The following TASOR2 variants were observed in gnomAD, a reference collection of about 807,000 sequenced individuals.
The protein encoded by TASOR2 is transcription activation suppressor family member 2, also known as protein TASOR 2.
Under a neutral mutation model 199.5 loss-of-function variants are expected in TASOR2, and 84 were observed. That is an observed-to-expected ratio of 0.42 (90% CI 0.35 to 0.50). The LOEUF (loss-of-function observed/expected upper bound fraction) is 0.50. TASOR2 is among the 20% of genes least tolerant of loss of function. The pLI, the probability that TASOR2 is intolerant of heterozygous loss-of-function variation, is 0.02. For synonymous variants in TASOR2, 1,103 were observed against 1,046.6 expected, an observed-to-expected ratio of 1.05 and a Z score of -1.04; for missense variants, 2,796 against 2,835.9, an observed-to-expected ratio of 0.99 and a Z score of 0.32.
intron 1 of TASOR2, among the ~76,000 whole-genome samples, chr10:5,700,235 A>G (rs1019162105): frequency 6.6e-6 from 1 of 151,978 alleles, no homozygotes; most frequent in Non-Finnish European, 1.5e-5. Context: ...ATAAAGACCT[A>G]CAGTTGCATC....
At chr10:5,686,282 A>G (rs925422356) in intron 1 of TASOR2, among the ~76,000 whole-genome samples, 3 of 152,220 alleles carry the variant, frequency 2.0e-5, no homozygotes, top group Non-Finnish European at 4.4e-5. Context: ...GATTATAAGC[A>G]TCTCCTGTGG....
In TASOR2 at chr10:5,701,962, C is replaced by T. The variant is rs569325484; in HGVS notation, c.-287-10861C>T. ...GATGCCCTCTATTTCTTTCTCTTGCCTAATTGCTCTGCCCAGTACTTCCAG... is the reference window on the plus strand; with the variant it reads ...GATGCCCTCTATTTCTTTCTCTTGCTTAATTGCTCTGCCCAGTACTTCCAG... On this transcript the variant is annotated intron_variant, in intron 1 of 20. Coordinates refer to ENST00000328090, the Ensembl canonical transcript of TASOR2. This position sits in a 1 kb window ranked among gnomAD's most constrained non-coding sequence, Gnocchi z 4.9. Among the ~76,000 whole-genome samples the T allele has an allele frequency of 6.6e-6, 1 of 152,224 alleles. No individual in the cohort carries two copies. Among genetic ancestry groups the T allele is most frequent in the East Asian group, 1.9e-4 (1 of 5,190 alleles).
intron 1 of TASOR2, among the ~76,000 whole-genome samples, chr10:5,693,550 G>A (rs1300132874): frequency 7.9e-5 from 12 of 152,062 alleles, no homozygotes; most frequent in Non-Finnish European, 1.8e-4. Context: ...AATGCTATTT[G>A]TTTTCTCTAC....
Position 5,719,298 on chromosome 10 carries a change from C to T in TASOR2, c.-99-1246C>T, listed in dbSNP as rs1279262748. ...TTCAAAACAGCTTTTAAAATCATTG[C>T]ATATTTCATCATAATGGTAAACTTG... On this transcript the variant is annotated intron_variant, in intron 3 of 20. Coordinates refer to ENST00000328090, the Ensembl canonical transcript of TASOR2. This position sits in a 1 kb window ranked among gnomAD's most constrained non-coding sequence, Gnocchi z 4.1. Among the ~76,000 whole-genome samples the T allele has an allele frequency of 6.6e-6, 1 of 152,044 alleles. No homozygotes were observed. The highest frequency in any genetic ancestry group is 2.4e-5 in the African/African-American group (1 of 41,402).
At chr10:5,725,023 G>T (rs1478451429) in intron 8 of TASOR2, among the ~76,000 whole-genome samples, 2 of 152,142 alleles carry the variant, frequency 1.3e-5, no homozygotes, top group African/African-American at 4.8e-5. Context: ...TGTGATGAAT[G>T]AGGTAGGTGG....
In TASOR2 at chr10:5,720,913, G is replaced by A. The variant is rs61729850; in HGVS notation, c.89G>A (p.Arg30His). ...AAAGGGAAATTAATTGTTCAAGACC[G>A]TATGCTATGTGATATAGCTCTTTGG... The change falls in exon 6 of 21, where the codon CGT becomes CAT. Residue 30 changes from arginine (R) to histidine (H), a missense_variant. Around this residue, in one of 3 missense-constraint regions of TASOR2, gnomAD observed 847 missense variants for 887.4 expected, o/e 0.95. Transcript: ENST00000328090. The surrounding 1 kb of genome is among the most constrained non-coding windows in gnomAD (Gnocchi z 5.3). The A allele has an allele frequency of 1.3e-5, 21 of 1,613,018 alleles. No individual in the cohort carries two copies. Among genetic ancestry groups the A allele is most frequent in the East Asian group, 1.1e-4 (5 of 44,850 alleles).
At chr10:5,749,132 A>G (rs1282353503) in exon 15 of TASOR2, 4 of 1,614,012 alleles carry the variant, frequency 2.5e-6, no homozygotes, top group Non-Finnish European at 3.4e-6. Context: ...GCGGTAAAGA[A>G]AGAAGAGAAG....
At chr10:5,757,645 T>A (rs753409371) in exon 17 of TASOR2, 23 of 1,613,550 alleles carry the variant, frequency 1.4e-5, no homozygotes, top group Non-Finnish European at 1.9e-5. Context: ...TGATATCAGA[T>A]GACAAGATAC....
At chr10:5,713,007 A>G (rs527499054) in intron 2 of TASOR2, 89 bp downstream of exon 2, 9 of 636,206 alleles carry the variant, frequency 1.4e-5, no homozygotes, top group African/African-American at 1.3e-4. Context: ...AAGATTACCA[A>G]TTCATCAGTG....
exon 21 of TASOR2, chr10:5,763,057 GGAT>G (rs767009889): frequency 7.5e-6 from 12 of 1,608,936 alleles, no homozygotes; most frequent in Non-Finnish European, 1.0e-5. Context: ...GCCTGGATAT[GGAT>G]GATGCCAATA....
intron 1 of TASOR2, among the ~76,000 whole-genome samples, chr10:5,694,080 G>A (rs1222449890): frequency 6.6e-6 from 1 of 152,012 alleles, no homozygotes; most frequent in Non-Finnish European, 1.5e-5. Flanking sequence ...CTCAACCATG[G>A]GAGGAATGGG....
At position 5,740,772 on chromosome 10, in the gene TASOR2, G is replaced by A. The variant is rs891385829; in HGVS notation, c.2327+275G>A. On this transcript the variant is annotated intron_variant, in intron 13 of 20. Coordinates refer to ENST00000328090, the Ensembl canonical transcript of TASOR2. This position sits in a 1 kb window ranked among gnomAD's most constrained non-coding sequence, Gnocchi z 5.3. ...GCAATGCTCCCTCGTAAGCCCTTGT[G>A]GCTTTTGAATTTCAATTTTTAGATG... 2.0e-5 allele frequency among the ~76,000 whole-genome samples: 3 copies of A among 152,158 alleles called. No homozygotes were observed. The highest frequency in any genetic ancestry group is 7.2e-5 in the African/African-American group (3 of 41,436).
At chr10:5,713,224 A>G (rs1207543753) in intron 2 of TASOR2, among the ~76,000 whole-genome samples, 2 of 152,170 alleles carry the variant, frequency 1.3e-5, no homozygotes, top group African/African-American at 4.8e-5. Flanking sequence ...ATATTTTTCC[A>G]TTCTGGATTA....
intron 12 of TASOR2, among the ~76,000 whole-genome samples, chr10:5,739,261 C>T (rs1250429033): frequency 1.3e-5 from 2 of 152,090 alleles, no homozygotes; most frequent in East Asian, 1.9e-4. Context: ...TTTGTTTGTA[C>T]ATTTTTTGAG....
chr10:5,736,462 T>G (rs1214286877), intron 12 of TASOR2, among the ~76,000 whole-genome samples: 1 of 151,476 alleles, frequency 6.6e-6, no homozygotes, highest in Non-Finnish European at 1.5e-5. Flanking sequence ...CCATGTTGCC[T>G]AGGCTGGTCT....
At chr10:5,714,523 A>C in intron 2 of TASOR2, 1 of 203,382 alleles carries the variant, frequency 4.9e-6, no homozygotes, top group Non-Finnish European at 9.7e-6. Flanking sequence ...GGAAATAATC[A>C]AATATAAGCT....
At chr10:5,693,019 C>G (rs1588579856) in intron 1 of TASOR2, 1 of 152,506 alleles carries the variant, frequency 6.6e-6, no homozygotes, top group East Asian at 1.9e-4. Context: ...ACTGTTAATA[C>G]AGCGCTGAGT....
chr10:5,715,110 C>G (rs1832439377), intron 2 of TASOR2, among the ~76,000 whole-genome samples: 1 of 151,810 alleles, frequency 6.6e-6, no homozygotes, highest in African/African-American at 2.4e-5. Context: ...TCACGGAAAG[C>G]AGAAAGATCT....
exon 21 of TASOR2, chr10:5,763,606 TATG>T (rs1840202336): frequency 6.6e-6 from 1 of 152,256 alleles, no homozygotes; most frequent in African/African-American, 2.4e-5. Context: ...ATCATTTATT[TATG>T]ATATTGAAAA....
Sources: gnomAD v4.1 joint callset for allele counts (sites outside exome capture counted in the v4.1 genomes callset) on GRCh38, gnomAD v4.1.1 for gene constraint, gnomAD v4.1.1 regional missense constraint, Gnocchi (gnomAD v3.1) non-coding constraint, MANE v1.5 for transcripts, NCBI Gene and HGNC (gene_info 2026-07-23, HGNC 2026-07-21) for gene names.